NXPE3: variants seen among roughly 807,000 people sequenced by gnomAD.
NXPE3 encodes neurexophilin and PC-esterase domain family member 3.
A neutral mutation model predicts 46.1 loss-of-function variants in NXPE3; 26 were observed. The ratio of observed to expected loss-of-function variants is 0.56; its 90% CI spans 0.41 to 0.78. The LOEUF is 0.78. Ranked by LOEUF, NXPE3 falls within the 30% of genes least tolerant of loss-of-function variation. The probability of loss-of-function intolerance (pLI) is 0.00; values close to 1 mark genes in which losing one functional copy is unlikely to be tolerated. For missense variants in NXPE3, 620 were observed against 686.0 expected (o/e 0.90, Z 1.07); for synonymous variants, 272 against 257.9 (o/e 1.05, Z -0.52).
chr3:101,826,651 A>C lies in NXPE3; in HGVS notation c.*4697A>C, dbSNP rs979761643. Reference sequence around the variant, plus strand: ...GAGGATGGTTGAGGGCAGGAGTTTAAAGGACACAGAAGCTAGGAGAGCAGA... The same window carrying C: ...GAGGATGGTTGAGGGCAGGAGTTTACAGGACACAGAAGCTAGGAGAGCAGA... On this transcript the variant is annotated 3_prime_UTR_variant, in exon 8 of 8. Coordinates refer to ENST00000273347, the MANE Select transcript of NXPE3 (RefSeq NM_145037.4). The C allele has an allele frequency of 6.6e-6, 1 of 152,172 alleles. No homozygotes were observed. Among genetic ancestry groups the C allele is most frequent in the African/African-American group, 2.4e-5 (1 of 41,434 alleles). The allele number at this position is 152,172 out of a possible 1,614,324, so 9.4% of individuals were successfully genotyped here.
At chr3:101,784,897 T>C (rs1021170247) in intron 3 of NXPE3, among the ~76,000 whole-genome samples, 1 of 152,174 alleles carries the variant, frequency 6.6e-6, no homozygotes, top group Admixed American at 6.5e-5. Flanking sequence ...GTGTCGCGTC[T>C]CCTGCCATAC....
intron 6 of NXPE3, among the ~76,000 whole-genome samples, chr3:101,812,698 G>C (rs907999748): frequency 6.6e-6 from 1 of 150,740 alleles, no homozygotes; most frequent in Admixed American, 6.7e-5. Flanking sequence ...TGTAGTCCCA[G>C]CTACTCAGGA....
chr3:101,799,188 C>T (rs546081951), intron 4 of NXPE3, among the ~76,000 whole-genome samples: 2 of 152,102 alleles, frequency 1.3e-5, no homozygotes, highest in Non-Finnish European at 2.9e-5. Flanking sequence ...AGTTCTTCTG[C>T]TTCAGCCTCC....
chr3:101,785,173 T>A (rs1940081667), intron 3 of NXPE3, among the ~76,000 whole-genome samples: 1 of 152,160 alleles, frequency 6.6e-6, no homozygotes. Context: ...AAAACCTAAA[T>A]AGGCAATAGG....
chr3:101,789,289 A>G (rs1418921292), intron 4 of NXPE3, among the ~76,000 whole-genome samples: 1 of 152,166 alleles, frequency 6.6e-6, no homozygotes, highest in Admixed American at 6.5e-5. Context: ...TAGGCCTGTA[A>G]TCCCAGCACT....
chr3:101,801,994 G>A lies in NXPE3; in HGVS notation c.848+5G>A, dbSNP rs1299908242. ...AGAGAGTGCTTTCTTCCAGAGGTATGTACTGCTTTTTCTTGGGGATGATTT... is the reference window on the plus strand; with the variant it reads ...AGAGAGTGCTTTCTTCCAGAGGTATATACTGCTTTTTCTTGGGGATGATTT... On this transcript the variant is annotated splice_donor_5th_base_variant and intron_variant, in intron 5 of 7. Transcript: ENST00000273347. The A allele has an allele frequency of 2.5e-6, 4 of 1,583,342 alleles. No individual in the cohort carries two copies. The highest frequency in any genetic ancestry group is 3.4e-6 in the Non-Finnish European group (4 of 1,170,044).
chr3:101,809,408 A>G (rs1338731198), intron 6 of NXPE3, among the ~76,000 whole-genome samples: 1 of 152,174 alleles, frequency 6.6e-6, no homozygotes, highest in Admixed American at 6.5e-5. Context: ...CCCTAAATCA[A>G]GGGCTCATAA....
At chr3:101,818,713 A>AT (rs201504502) in intron 7 of NXPE3, among the ~76,000 whole-genome samples, 4 of 30,376 alleles carry the variant, frequency 1.3e-4, no homozygotes, top group Admixed American at 4.3e-4. Context: ...ATATATGACA[A>AT]TTTATATATA....
At chr3:101,780,971 A>G (rs1939786576) in intron 1 of NXPE3, among the ~76,000 whole-genome samples, 1 of 152,132 alleles carries the variant, frequency 6.6e-6, no homozygotes, top group Non-Finnish European at 1.5e-5. Context: ...TTAACCCATC[A>G]TTGTTAGGGT....
intron 7 of NXPE3, among the ~76,000 whole-genome samples, chr3:101,818,529 CT>C (rs1367814717): frequency 6.6e-6 from 1 of 151,408 alleles, no homozygotes; most frequent in African/African-American, 2.4e-5. Context: ...ATATCTTCAC[CT>C]GATAAAAATA....
In NXPE3 at chr3:101,816,796, A is replaced by C; in HGVS notation, c.924A>C (p.Glu308Asp). The part of the protein sequence containing the change: ...WVTVIPRRIK[E>D]TNSLELSQGS... ...TTTGTTTTTCTTTTTTCTTTGCAGA[A>C]ACTAACAGTCTAGAACTATCTCAAG... The change falls in exon 7 of 8, where the codon GAA becomes GAC. Residue 308 changes from glutamate (E) to aspartate (D), a missense_variant and splice_region_variant. Transcript: ENST00000273347. The C allele has an allele frequency of 6.2e-7, 1 of 1,605,796 alleles. No homozygotes were observed. The highest frequency in any genetic ancestry group is 8.5e-7 in the Non-Finnish European group (1 of 1,175,736).
chr3:101,818,602 A>G (rs1423783059), intron 7 of NXPE3, among the ~76,000 whole-genome samples: 1 of 151,166 alleles, frequency 6.6e-6, no homozygotes, highest in African/African-American at 2.4e-5. Context: ...TTATTCAGTT[A>G]AAATGGGGCT....
At chr3:101,788,875 C>A (rs1560039583) in intron 4 of NXPE3, among the ~76,000 whole-genome samples, 1 of 152,194 alleles carries the variant, frequency 6.6e-6, no homozygotes, top group Non-Finnish European at 1.5e-5. Context: ...CTCGGCCTCC[C>A]AAAGTGCTGG....
chr3:101,818,385 C>A (rs1942058122), intron 7 of NXPE3, among the ~76,000 whole-genome samples: 1 of 152,030 alleles, frequency 6.6e-6, no homozygotes, highest in African/African-American at 2.4e-5. Flanking sequence ...TGATGTGATG[C>A]TGACCAGTGA....
rs570145719 is a variant in NXPE3 at position 101,805,558 on chromosome 3, C to T, written c.849-1495C>T. ...GGGTCAAGTGATTCTTGTGCCTCAC[C>T]CTCCCAAGTAGCTGGGAGTACTAGG... On this transcript the variant is annotated intron_variant, in intron 5 of 7. Transcript: ENST00000273347. 2.6e-5 allele frequency among the ~76,000 whole-genome samples: 4 copies of T among 152,064 alleles called. No individual in the cohort carries two copies. In the East Asian group the frequency reaches 7.7e-4, roughly 29 times the overall value.
chr3:101,781,267 G>A (rs1939809888), intron 1 of NXPE3, among the ~76,000 whole-genome samples: 1 of 152,196 alleles, frequency 6.6e-6, no homozygotes, highest in Admixed American at 6.5e-5. Flanking sequence ...CAGTTTCTAT[G>A]CAGTTGTCCT....
At chr3:101,795,273 A>G (rs1397802240) in intron 4 of NXPE3, among the ~76,000 whole-genome samples, 1 of 152,174 alleles carries the variant, frequency 6.6e-6, no homozygotes, top group Non-Finnish European at 1.5e-5. Context: ...TTCCTAGCAC[A>G]TTGGGAGGCC....
At position 101,825,518 on chromosome 3, in the gene NXPE3, A is replaced by G. The variant is rs563531811; in HGVS notation, c.*3564A>G. 2 of 152,234 alleles carry G rather than the reference A, an allele frequency of 1.3e-5. No homozygotes were observed. Among genetic ancestry groups the G allele is most frequent in the Admixed American group, 1.3e-4 (2 of 15,290 alleles). 9.4% of individuals were successfully genotyped at this position (152,234 alleles called of 1,614,324 possible). ...TCTAGAAGAAAAATCTATGGATAAA[A>G]TCCATAATTCTATCATCTGAATGCA... On this transcript the variant is annotated 3_prime_UTR_variant, in exon 8 of 8. Transcript: ENST00000273347.
Position 101,785,588 on chromosome 3 carries a change from A to G in NXPE3, c.-9A>G. On this transcript the variant is annotated 5_prime_UTR_variant, in exon 4 of 8. Transcript: ENST00000273347. ...TGTCGGCCATGGGTGAACAAGACAC[A>G]GCCAGACAATGTGGACCAATTTCTT... 6.2e-7 allele frequency: 1 copy of G among 1,613,290 alleles called. No homozygotes were observed.
Sources: allele counts gnomAD v4.1 joint callset (sites outside exome capture counted in the v4.1 genomes callset), GRCh38; gene constraint gnomAD v4.1.1; transcripts MANE v1.5; gene names NCBI Gene and HGNC (gene_info 2026-07-23, HGNC 2026-07-21).